The following COL2A1 variants were observed in gnomAD, a reference collection of about 807,000 sequenced individuals.
COL2A1 encodes the protein collagen type II alpha 1 chain.
In COL2A1, 28 loss-of-function variants were observed where a neutral mutation model predicts 204.5. The ratio of observed to expected loss-of-function variants is 0.14; its 90% CI spans 0.10 to 0.19. The LOEUF (loss-of-function observed/expected upper bound fraction) is 0.19. Among genes scored for constraint, COL2A1 ranks in the 10% least tolerant of loss-of-function variants. The pLI is 1.00. For synonymous variants in COL2A1, 708 were observed against 718.7 expected (o/e 0.99, Z 0.24); for missense variants, 1,388 against 2,027.5 (o/e 0.68, Z 6.06).
intron 37 of COL2A1, 80 bp from the exon 38 acceptor site, chr12:47,981,048 C>T (rs890916224): frequency 2.4e-5 from 32 of 1,357,096 alleles, no homozygotes; most frequent in Non-Finnish European, 2.9e-5. Flanking sequence ...GCCCCTTGGG[C>T]CCTGCCCAGC....
In COL2A1 at chr12:47,973,408, T is replaced by C. The variant is rs1592192783; in HGVS notation, c.4463A>G (p.Ter1488=). The stretch of plus-strand genomic sequence containing the variant: ...TGTGTTGTTTCTGGGTTCAGGTTTT[T>C]ACAAGAAGCAGACCGGCCCTATGTC... The part of the protein sequence containing the change: ...GVDIGPVCFL[*] The change falls in exon 54 of 54, where the codon TAA becomes TGA. Residue 1488 remains the stop codon, a stop_retained_variant. Transcript: ENST00000380518. The C allele has an allele frequency of 6.2e-7, 1 of 1,614,170 alleles. No homozygotes were observed.
At chr12:47,982,656 C>A in intron 33 of COL2A1, 47 bp from the exon 34 acceptor site, 2 of 1,415,044 alleles carry the variant, frequency 1.4e-6, no homozygotes, top group Non-Finnish European at 2.0e-6. Flanking sequence ...GCACCTCTCC[C>A]TGAACCCATG....
At chr12:47,977,284 G>T (rs370600218) in intron 46 of COL2A1, 36 bp downstream of exon 46, 1 of 1,589,110 alleles carries the variant, frequency 6.3e-7, no homozygotes, top group African/African-American at 1.3e-5. Flanking sequence ...CCACCGCGCA[G>T]GGGAAGGCGG....
In COL2A1 at chr12:47,973,638, A is replaced by C. The variant is rs986178174; in HGVS notation, c.4318-85T>G. 2.6e-6 allele frequency: 4 copies of C among 1,525,712 alleles called. No homozygotes were observed. In the African/African-American group the frequency reaches 5.5e-5, roughly 21 times the overall value. 94.5% of individuals were successfully genotyped at this position (1,525,712 alleles called of 1,614,324 possible). ...TGCCCAGAAGCCCAAAACTGAACAA[A>C]CTGGCGAGCATCAGAGCCCACAAGG... On this transcript the variant is annotated intron_variant, in intron 53 of 53. Transcript: ENST00000380518.
chr12:47,978,385 G>A lies in COL2A1; in HGVS notation c.2909C>T (p.Pro970Leu), dbSNP rs371268468. ...ACCAGCCAGACCCTGGGGACCTGGT[G>A]GACCTTCGGCACCCTGAGAGAGGAG... Reference protein sequence around the residue: ...GDDGPSGAEGPPGPQGLAGQR... With the variant: ...GDDGPSGAEGLPGPQGLAGQR... Residue 970 changes from proline to leucine, a missense_variant, in exon 43 of 54, where the codon CCA becomes CTA. Pro to Leu is a moderately conservative substitution (Grantham distance 98, BLOSUM62 -3). Around this residue, in one of 3 missense-constraint regions of COL2A1, gnomAD observed 884 missense variants for 1,415.8 expected, o/e 0.62. Transcript: ENST00000380518. This position sits in a 1 kb window ranked among gnomAD's most constrained non-coding sequence, Gnocchi z 5.5. 27 of 1,613,992 alleles carry A rather than the reference G, an allele frequency of 1.7e-5. No individual in the cohort carries two copies. Among genetic ancestry groups the A allele is most frequent in the Non-Finnish European group, 2.3e-5 (27 of 1,179,984 alleles).
chr12:47,994,299 T>A lies in COL2A1; in HGVS notation c.816+125A>T, dbSNP rs1939843976. ...GTGGAAATTACAAACATGGTCGTGATAAATATAGGGGCTACTGGCGTTTCA... is the reference window on the plus strand; with the variant it reads ...GTGGAAATTACAAACATGGTCGTGAAAAATATAGGGGCTACTGGCGTTTCA... On this transcript the variant is annotated intron_variant, in intron 12 of 53. Transcript: ENST00000380518. 8 of 1,102,238 alleles carry A rather than the reference T, an allele frequency of 7.3e-6. No homozygotes were observed. In the South Asian group the frequency reaches 1.0e-4, roughly 14 times the overall value. 68.3% of individuals were successfully genotyped at this position (1,102,238 alleles called of 1,614,324 possible).
chr12:48,003,995 A>G lies in COL2A1; in HGVS notation c.85+242T>C, dbSNP rs902773932. 1.8e-5 allele frequency: 10 copies of G among 542,372 alleles called. No homozygotes were observed. The African/African-American group carries it at 1.9e-4, about 10-fold the overall frequency. 33.6% of individuals were successfully genotyped at this position (542,372 alleles called of 1,614,324 possible). A position where few individuals can be genotyped will look rare whatever the true frequency, so the allele number is the denominator to read the frequency against. On this transcript the variant is annotated intron_variant, in intron 1 of 53. Coordinates refer to ENST00000380518, the MANE Select transcript of COL2A1 (RefSeq NM_001844.5). ...TTTGCAAGTTCAGTATTCTAGCGCA[A>G]CGTAGGGACCTGCAAATACTTGCAA... is the stretch of plus-strand genomic sequence containing the variant.
In COL2A1 at chr12:47,984,159, GAA is replaced by G; in HGVS notation, c.1888-21_1888-20del. 1 of 1,612,302 alleles carries G rather than the reference GAA, an allele frequency of 6.2e-7. No homozygotes were observed. Among genetic ancestry groups the G allele is most frequent in the Non-Finnish European group, 8.5e-7 (1 of 1,179,056 alleles). The stretch of plus-strand genomic sequence containing the variant: ...GAAGACCCTAGACAGAAGAGAAAAA[GAA>G]AAGTCAATGACACGCTTTTCTTCCC... On this transcript the variant is annotated intron_variant, in intron 28 of 53. Coordinates refer to ENST00000380518, the MANE Select transcript of COL2A1 (RefSeq NM_001844.5).
At chr12:47,988,068 G>T (rs1592221906) in intron 18 of COL2A1, among the ~76,000 whole-genome samples, 1 of 152,318 alleles carries the variant, frequency 6.6e-6, no homozygotes, top group South Asian at 2.1e-4. Context: ...GGCACCGTGG[G>T]ATGATGGACG....
At position 47,983,639 on chromosome 12, in the gene COL2A1, G is replaced by A. The variant is rs112884509; in HGVS notation, c.1995+44C>T. ...CCTGCTGCTGTCCCAGGGAGCCCTG[G>A]GTATGGCAAAGGACTGCACAGAGAG... On this transcript the variant is annotated intron_variant, in intron 30 of 53. Coordinates refer to ENST00000380518, the MANE Select transcript of COL2A1 (RefSeq NM_001844.5). 5 of 1,572,568 alleles carry A rather than the reference G, an allele frequency of 3.2e-6. No homozygotes were observed. In the African/African-American group the frequency reaches 6.7e-5, roughly 21 times the overall value.
In COL2A1 at chr12:48,000,006, A is replaced by G. The variant is rs749799023; in HGVS notation, c.205T>C (p.Cys69Arg). Residue 69 changes from cysteine (C) to arginine (R), a missense_variant, in exon 2 of 54, where the codon TGT (cysteine) becomes CGT (arginine). By Grantham distance (180) the Cys-to-Arg change is radical. Coordinates refer to ENST00000380518, the MANE Select transcript of COL2A1 (RefSeq NM_001844.5). ...TGTVLCDDII[C>R]EDVKDCLSPE... ...CTGAGGCAGTCTTTCACGTCTTCAC[A>G]GATTATGTCGTCGCAGAGGACAGTC... 5 of 1,614,206 alleles carry G rather than the reference A, an allele frequency of 3.1e-6. No individual in the cohort carries two copies. Among genetic ancestry groups the G allele is most frequent in the Admixed American group, 3.3e-5 (2 of 60,034 alleles).
chr12:47,991,491 G>C (rs1939704218), intron 16 of COL2A1, among the ~76,000 whole-genome samples: 2 of 152,180 alleles, frequency 1.3e-5, no homozygotes, highest in Non-Finnish European at 2.9e-5. Context: ...GGCTGAGAAG[G>C]CTGCTGGGAT....
In COL2A1 at chr12:47,986,810, C is replaced by G. The variant is rs747643907; in HGVS notation, c.1419+25G>C. The G allele has an allele frequency of 1.8e-5, 29 of 1,613,956 alleles. No individual in the cohort carries two copies. The highest frequency in any genetic ancestry group is 2.4e-5 in the Non-Finnish European group (28 of 1,179,928). On this transcript the variant is annotated intron_variant, in intron 22 of 53. Transcript: ENST00000380518. ...CCTCATAGAACAGCAGCAGAGAAGA[C>G]AAGGGCTTGGGGGCAGATACTCACA...
At chr12:47,985,295 A>G (rs889075669) in intron 26 of COL2A1, among the ~76,000 whole-genome samples, 1 of 152,176 alleles carries the variant, frequency 6.6e-6, no homozygotes, top group African/African-American at 2.4e-5. Context: ...GAAAGTGCAC[A>G]CACGATGTCA....
intron 35 of COL2A1, 67 bp from the exon 36 acceptor site, chr12:47,981,896 C>G: frequency 6.6e-7 from 1 of 1,507,432 alleles, no homozygotes; most frequent in Non-Finnish European, 9.1e-7. Context: ...GGCCCGGCAC[C>G]AAGCCAACCT....
chr12:47,989,390 A>G (rs183894917), intron 17 of COL2A1, 109 bp from the exon 18 acceptor site: 1 of 954,562 alleles, frequency 1.0e-6, no homozygotes, highest in Admixed American at 2.0e-5. Flanking sequence ...ATTTCACTCC[A>G]TATCCATTGT....
In COL2A1 at chr12:47,974,687, A is replaced by G. The variant is rs2136508045; in HGVS notation, c.4062T>C (p.Asn1354=). The part of the protein sequence containing the change: ...KKHIWFGETI[N]GGFHFSYGDD... ...CCCAGGTACTCACATGGAAGCCACC[A>G]TTGATGGTTTCTCCAAACCAGATGT... The change falls in exon 52 of 54, where the codon AAT becomes AAC. Residue 1354 remains asparagine, a synonymous_variant. Coordinates refer to ENST00000380518, the MANE Select transcript of COL2A1 (RefSeq NM_001844.5). The G allele has an allele frequency of 6.2e-7, 1 of 1,614,202 alleles. No individual in the cohort carries two copies.
chr12:47,997,820 T>G (rs1355783598), intron 6 of COL2A1, 51 bp downstream of exon 6: 1 of 1,613,170 alleles, frequency 6.2e-7, no homozygotes, highest in South Asian at 1.1e-5. Flanking sequence ...GGTGGGGCCT[T>G]GGGGGACCTG....
chr12:47,983,210 G>A, intron 31 of COL2A1, 73 bp from the exon 32 acceptor site: 7 of 1,552,490 alleles, frequency 4.5e-6, no homozygotes, highest in Non-Finnish European at 6.2e-6. Context: ...TCCACAGCAG[G>A]GCTGAATATC....
Sources: gnomAD v4.1 joint callset for allele counts (sites outside exome capture counted in the v4.1 genomes callset) on GRCh38, gnomAD v4.1.1 for gene constraint, gnomAD v4.1.1 regional missense constraint, Gnocchi (gnomAD v3.1) non-coding constraint, MANE v1.5 for transcripts, NCBI Gene and HGNC (gene_info 2026-07-23, HGNC 2026-07-21) for gene names.